EFR3B: variants seen among roughly 807,000 people sequenced by gnomAD.
EFR3B encodes protein EFR3 homolog B.
EFR3B carries 64 observed loss-of-function variants against 104.7 expected under a neutral mutation model. The observed-to-expected ratio is 0.61, with a 90% confidence interval of 0.50 to 0.75. The LOEUF (loss-of-function observed/expected upper bound fraction) is 0.75, where lower values mean the gene tolerates loss of function less well. EFR3B is among the 30% of genes least tolerant of loss of function. The pLI is 0.00. For synonymous variants in EFR3B, 385 were observed against 417.9 expected (o/e 0.92, Z 0.96); for missense variants, 750 against 1,078.5 (o/e 0.70, Z 4.27).
intron 1 of EFR3B, among the ~76,000 whole-genome samples, chr2:25,057,789 A>AG (rs1182949847): frequency 6.6e-6 from 1 of 151,866 alleles, no homozygotes; most frequent in Non-Finnish European, 1.5e-5. Flanking sequence ...CCGTCAAAAA[A>AG]AAAAAAAAAG....
intron 5 of EFR3B, among the ~76,000 whole-genome samples, chr2:25,123,754 G>A (rs1670084787): frequency 1.3e-5 from 2 of 152,268 alleles, no homozygotes; most frequent in Non-Finnish European, 2.9e-5. Flanking sequence ...CTGTCCCAGG[G>A]TGGTGGGGGA....
At chr2:25,122,009 C>G (rs1670031028) in intron 5 of EFR3B, among the ~76,000 whole-genome samples, 1 of 151,718 alleles carries the variant, frequency 6.6e-6, no homozygotes. Flanking sequence ...CTCTGTTGCC[C>G]AGGCTAGAGT....
chr2:25,112,382 T>G (rs1669745854), intron 4 of EFR3B, among the ~76,000 whole-genome samples: 1 of 152,246 alleles, frequency 6.6e-6, no homozygotes, highest in Admixed American at 6.5e-5. Context: ...GGACTAGACT[T>G]TCCCAGGAGT....
At chr2:25,074,966 G>A (rs1031511077) in intron 1 of EFR3B, among the ~76,000 whole-genome samples, 3 of 152,042 alleles carry the variant, frequency 2.0e-5, no homozygotes, top group Non-Finnish European at 4.4e-5. Context: ...TGGATTCATG[G>A]GCAGTTGCAA....
chr2:25,078,249 A>G (rs1172798356), intron 1 of EFR3B, among the ~76,000 whole-genome samples: 1 of 152,188 alleles, frequency 6.6e-6, no homozygotes, highest in East Asian at 1.9e-4. Context: ...CTTGAATCAG[A>G]TGCACCTCTC....
In EFR3B at chr2:25,110,501, G is replaced by A. The variant is rs556683892; in HGVS notation, c.363+6714G>A. The stretch of plus-strand genomic sequence containing the variant: ...CAGGAAATGGGGGCTGTCCCAGGGG[G>A]CTTCTTCCACTTCCTGTGCCCATCT... On this transcript the variant is annotated intron_variant, in intron 4 of 22. Coordinates refer to ENST00000403714, the MANE Select transcript of EFR3B (RefSeq NM_014971.2). 3.3e-5 allele frequency among the ~76,000 whole-genome samples: 5 copies of A among 152,146 alleles called. No homozygotes were observed. In the South Asian group the frequency reaches 1.0e-3, roughly 32 times the overall value.
chr2:25,059,648 T>C (rs1209356698), intron 1 of EFR3B, among the ~76,000 whole-genome samples: 3 of 150,688 alleles, frequency 2.0e-5, no homozygotes, highest in Non-Finnish European at 4.4e-5. Flanking sequence ...AAAAGAATTT[T>C]GGAGATAGAT....
chr2:25,084,019 A>T (rs1207326338), intron 1 of EFR3B, among the ~76,000 whole-genome samples: 3 of 152,084 alleles, frequency 2.0e-5, no homozygotes, highest in Admixed American at 6.5e-5. Context: ...TGTATTTCAG[A>T]ACATGGACTC....
At chr2:25,087,792 T>C (rs1017390594) in intron 1 of EFR3B, among the ~76,000 whole-genome samples, 2 of 152,222 alleles carry the variant, frequency 1.3e-5, no homozygotes, top group Non-Finnish European at 2.9e-5. Flanking sequence ...GAATTTTTAA[T>C]CTTCATGAAT....
chr2:25,106,257 G>A (rs977467522), intron 4 of EFR3B, among the ~76,000 whole-genome samples: 6 of 151,948 alleles, frequency 3.9e-5, no homozygotes, highest in African/African-American at 1.5e-4. Flanking sequence ...AAGTCTCTAG[G>A]CCCTTTACTG....
chr2:25,131,574 A>G lies in EFR3B; in HGVS notation c.985+71A>G. 6.5e-7 allele frequency: 1 copy of G among 1,528,798 alleles called. No homozygotes were observed. The highest frequency in any genetic ancestry group is 2.0e-5 in the Admixed American group (1 of 49,252). The allele number at this position is 1,528,798 out of a possible 1,614,324, so 94.7% of individuals were successfully genotyped here. A position where few individuals can be genotyped will look rare whatever the true frequency, so the allele number is the denominator to read the frequency against. On this transcript the variant is annotated intron_variant, in intron 9 of 22. Transcript: ENST00000403714. The surrounding 1 kb of genome is among the most constrained non-coding windows in gnomAD (Gnocchi z 7.6). ...CTGCCGCCTCTTACAGAGAGAGGCA[A>G]GGGACAACAGGGAGGGGTCGGAGTC...
chr2:25,115,264 G>A (rs1010610034), intron 4 of EFR3B, among the ~76,000 whole-genome samples: 2 of 152,202 alleles, frequency 1.3e-5, no homozygotes, highest in African/African-American at 4.8e-5. Context: ...GTAGGCTGGA[G>A]TGGCTCAGAA....
chr2:25,081,537 C>T, intron 1 of EFR3B: 1 of 1,074,654 alleles, frequency 9.3e-7, no homozygotes, highest in South Asian at 1.3e-5. Flanking sequence ...GTGAGAGATT[C>T]CTGTGCTATT....
intron 1 of EFR3B, among the ~76,000 whole-genome samples, chr2:25,048,966 G>A (rs1464174208): frequency 1.3e-5 from 2 of 152,072 alleles, no homozygotes; most frequent in Non-Finnish European, 2.9e-5. Flanking sequence ...GTTACATATT[G>A]TCCAATTGTT....
At chr2:25,106,240 G>A (rs553554541) in intron 4 of EFR3B, among the ~76,000 whole-genome samples, 1 of 152,248 alleles carries the variant, frequency 6.6e-6, no homozygotes, top group South Asian at 2.1e-4. Context: ...TAGGAGAGGA[G>A]GAATAGAAGT....
intron 16 of EFR3B, 130 bp downstream of exon 16, chr2:25,139,320 T>A: frequency 8.4e-7 from 1 of 1,190,850 alleles, no homozygotes; most frequent in Non-Finnish European, 1.1e-6. Flanking sequence ...TAAGAACCAC[T>A]AATGGTGAGA....
chr2:25,076,033 C>T (rs978096490), intron 1 of EFR3B, among the ~76,000 whole-genome samples: 3 of 152,132 alleles, frequency 2.0e-5, no homozygotes, highest in African/African-American at 7.2e-5. Context: ...GCTGGGACTA[C>T]AGGCATGCGC....
chr2:25,076,545 G>A (rs1457091084), intron 1 of EFR3B, among the ~76,000 whole-genome samples: 1 of 152,130 alleles, frequency 6.6e-6, no homozygotes, highest in African/African-American at 2.4e-5. Context: ...CAAAGCTGAA[G>A]CTGGGTTTGA....
intron 1 of EFR3B, among the ~76,000 whole-genome samples, chr2:25,073,394 A>G (rs1401201120): frequency 1.4e-5 from 2 of 141,526 alleles, no homozygotes; most frequent in East Asian, 4.1e-4. Context: ...GTGTTGCTCT[A>G]TTACCCAGTC....
Sources: allele counts gnomAD v4.1 joint callset (sites outside exome capture counted in the v4.1 genomes callset), GRCh38; gene constraint gnomAD v4.1.1; non-coding constraint Gnocchi (gnomAD v3.1); transcripts MANE v1.5; gene names NCBI Gene and HGNC (gene_info 2026-07-23, HGNC 2026-07-21).